Variants in CHODL observed in about 807,000 individuals in gnomAD.
The protein encoded by CHODL is chondrolectin.
Under a neutral mutation model 34.5 loss-of-function variants are expected in CHODL, and 29 were observed. That is an observed-to-expected ratio of 0.84 (90% CI 0.63 to 1.15). The LOEUF (loss-of-function observed/expected upper bound fraction) is 1.15. Ranked by LOEUF, CHODL falls within the 50% of genes most tolerant of loss-of-function variation. The pLI is 0.00. For synonymous variants in CHODL, 125 were observed against 116.1 expected (o/e 1.08, Z -0.49); for missense variants, 332 against 332.5 (o/e 1.00, Z 0.01).
rs909988071 is a variant in CHODL at position 18,266,402 on chromosome 21, T to C, written c.*364T>C. On this transcript the variant is annotated 3_prime_UTR_variant, in exon 6 of 6. Coordinates refer to ENST00000299295, the MANE Select transcript of CHODL (RefSeq NM_024944.3). The stretch of plus-strand genomic sequence containing the variant: ...AAGTTGTTATCTAGTCAATGTAATG[T>C]ATATTGTATTGAAATTTACAGTGTG... 2.7e-6 allele frequency: 1 copy of C among 374,328 alleles called. No homozygotes were observed. The highest frequency in any genetic ancestry group is 4.3e-5 in the Admixed American group (1 of 23,340). The allele number at this position is 374,328 out of a possible 1,614,324, so 23.2% of individuals were successfully genotyped here. A position where few individuals can be genotyped will look rare whatever the true frequency, so the allele number is the denominator to read the frequency against.
chr21:18,079,252 T>G (rs546146555), intron 2 of CHODL, among the ~76,000 whole-genome samples: 2 of 151,982 alleles, frequency 1.3e-5, no homozygotes, highest in South Asian at 4.2e-4. Flanking sequence ...GTTATTTCAC[T>G]TAAGAGAATG....
intron 2 of CHODL, among the ~76,000 whole-genome samples, chr21:18,123,800 A>G (rs1382691358): frequency 1.3e-5 from 2 of 152,130 alleles, no homozygotes; most frequent in South Asian, 2.1e-4. Flanking sequence ...GTGGCATTCA[A>G]ACCACAGCCC....
intron 2 of CHODL, among the ~76,000 whole-genome samples, chr21:18,137,481 G>T (rs1347769482): frequency 6.6e-6 from 1 of 152,074 alleles, no homozygotes; most frequent in East Asian, 1.9e-4. Context: ...TTCAACAGGT[G>T]CCTTTCTCCC....
At chr21:17,973,424 T>C (rs1600847167) in intron 1 of CHODL, among the ~76,000 whole-genome samples, 2 of 147,192 alleles carry the variant, frequency 1.4e-5, no homozygotes, top group South Asian at 2.2e-4. Context: ...TTTCTTTTTT[T>C]TTTTTTTTTT....
intron 2 of CHODL, among the ~76,000 whole-genome samples, chr21:18,159,502 A>G (rs2146640521): frequency 6.6e-6 from 1 of 152,310 alleles, no homozygotes. Flanking sequence ...TTGTTATACG[A>G]ACTCATGACT....
At chr21:18,238,512 C>T (rs913121309) in intron 2 of CHODL, among the ~76,000 whole-genome samples, 1 of 152,070 alleles carries the variant, frequency 6.6e-6, no homozygotes, top group African/African-American at 2.4e-5. Flanking sequence ...TGGGTCCCTC[C>T]CACAACATGC....
intron 1 of CHODL, among the ~76,000 whole-genome samples, chr21:17,931,522 G>A (rs2063273603): frequency 6.6e-6 from 1 of 152,186 alleles, no homozygotes; most frequent in South Asian, 2.1e-4. Context: ...CCAAAGGATC[G>A]TACTAGCTTG....
At chr21:18,050,633 A>C (rs781400253) in intron 2 of CHODL, among the ~76,000 whole-genome samples, 7 of 151,990 alleles carry the variant, frequency 4.6e-5, no homozygotes, top group Non-Finnish European at 8.8e-5. Context: ...GATGACTCCC[A>C]GGTTTGAACA....
chr21:18,259,859 T>G (rs1175977569), intron 3 of CHODL, among the ~76,000 whole-genome samples: 3 of 152,190 alleles, frequency 2.0e-5, no homozygotes, highest in African/African-American at 7.2e-5. Context: ...CTCTTACGTT[T>G]GCCAATTCTT....
chr21:18,046,770 T>C (rs915089249), intron 2 of CHODL, among the ~76,000 whole-genome samples: 1 of 151,950 alleles, frequency 6.6e-6, no homozygotes, highest in Non-Finnish European at 1.5e-5. Flanking sequence ...TGACTTGGTT[T>C]TCTTACTTTA....
intron 2 of CHODL, among the ~76,000 whole-genome samples, chr21:18,176,315 T>G (rs953214691): frequency 6.6e-6 from 1 of 152,232 alleles, no homozygotes; most frequent in Admixed American, 6.5e-5. Flanking sequence ...AAGACCTTCA[T>G]GTAGTCTGTT....
intron 2 of CHODL, among the ~76,000 whole-genome samples, chr21:18,116,711 C>A (rs1213238734): frequency 6.6e-6 from 1 of 152,176 alleles, no homozygotes; most frequent in Non-Finnish European, 1.5e-5. Context: ...CTAAGTGCCA[C>A]CACGCAGTTG....
intron 2 of CHODL, among the ~76,000 whole-genome samples, chr21:18,117,724 TAAG>T (rs921723630): frequency 1.3e-3 from 172 of 130,890 alleles, no homozygotes; most frequent in South Asian, 2.0e-3. Flanking sequence ...AATAAATAAA[TAAG>T]AAGAAATAAA....
At chr21:18,218,004 G>A (rs987081462) in intron 2 of CHODL, among the ~76,000 whole-genome samples, 2 of 152,224 alleles carry the variant, frequency 1.3e-5, no homozygotes, top group African/African-American at 4.8e-5. Context: ...TAGCTTTACT[G>A]TGTACAGTCC....
At chr21:18,206,885 A>T (rs1282221677) in intron 2 of CHODL, among the ~76,000 whole-genome samples, 2 of 145,894 alleles carry the variant, frequency 1.4e-5, no homozygotes, top group Non-Finnish European at 3.1e-5. Flanking sequence ...TATTATTATT[A>T]TTATTATTAT....
chr21:18,096,480 G>A (rs1346629119), intron 2 of CHODL, among the ~76,000 whole-genome samples: 1 of 152,146 alleles, frequency 6.6e-6, no homozygotes, highest in Non-Finnish European at 1.5e-5. Context: ...CCCTGGGAAA[G>A]GAATGTATTC....
intron 2 of CHODL, among the ~76,000 whole-genome samples, chr21:18,214,993 A>T (rs1307275896): frequency 6.6e-6 from 1 of 152,162 alleles, no homozygotes; most frequent in Middle Eastern, 3.2e-3. Flanking sequence ...TTTAACAAGA[A>T]AATATAAGCA....
chr21:18,257,394 T>C (rs997919228), intron 3 of CHODL, among the ~76,000 whole-genome samples: 2 of 152,154 alleles, frequency 1.3e-5, no homozygotes, highest in African/African-American at 4.8e-5. Flanking sequence ...TAAAACCAAA[T>C]ATTTTTGTAA....
At chr21:18,003,306 C>A (rs936981671) in intron 1 of CHODL, among the ~76,000 whole-genome samples, 1 of 151,312 alleles carries the variant, frequency 6.6e-6, no homozygotes, top group Non-Finnish European at 1.5e-5. Context: ...TAGTAAAAAA[C>A]CTTTTCACTT....
Sources: gnomAD v4.1 joint callset for allele counts (sites outside exome capture counted in the v4.1 genomes callset) on GRCh38, gnomAD v4.1.1 for gene constraint, MANE v1.5 for transcripts, NCBI Gene and HGNC (gene_info 2026-07-23, HGNC 2026-07-21) for gene names.